The following KCNN3 variants were observed in gnomAD, a reference collection of about 807,000 sequenced individuals.
The protein encoded by KCNN3 is potassium calcium-activated channel subfamily N member 3.
A neutral mutation model predicts 62.9 loss-of-function variants in KCNN3; 16 were observed. The ratio of observed to expected loss-of-function variants is 0.25; its 90% CI spans 0.17 to 0.39. KCNN3 has a LOEUF of 0.39. Ranked by LOEUF, KCNN3 falls within the 10% of genes least tolerant of loss-of-function variation. The probability of loss-of-function intolerance (pLI) is 1.00; values close to 1 mark genes in which losing one functional copy is unlikely to be tolerated. For synonymous variants in KCNN3, 370 were observed against 389.2 expected (o/e 0.95, Z 0.58); for missense variants, 599 against 949.4 (o/e 0.63, Z 4.85).
rs879060942 is a variant in KCNN3, at chr1:154,771,774, C to A, written c.1448+201G>T. ...AGGAAAATTCTGTGCCTTTTTCCCA[C>A]CTTACTTTGGTTCCAATGCTGCAAT... On this transcript the variant is annotated intron_variant, in intron 3 of 7. Coordinates refer to ENST00000271915, the MANE Select transcript of KCNN3 (RefSeq NM_002249.6). The A allele has an allele frequency of 1.8e-4, 114 of 650,212 alleles. 2 individuals carry two copies. The South Asian group carries it at 1.9e-3, about 11-fold the overall frequency. 40.3% of individuals were successfully genotyped at this position (650,212 alleles called of 1,614,324 possible).
chr1:154,870,213 ACTCT>A lies in KCNN3; in HGVS notation c.-253_-250del, dbSNP rs1396548596. 1.5e-6 allele frequency: 1 copy of A among 673,710 alleles called. No individual in the cohort carries two copies. The highest frequency in any genetic ancestry group is 1.8e-5 in the African/African-American group (1 of 56,336). The allele number at this position is 673,710 out of a possible 1,614,324, so 41.7% of individuals were successfully genotyped here. A position where few individuals can be genotyped will look rare whatever the true frequency, so the allele number is the denominator to read the frequency against. Reference sequence around the variant, plus strand: ...TGGAGAAAGAAGAGGGGGTGAAAGAACTCTCTCAGGAGGTGGTCCTCTAGGAGCG... The same window carrying A: ...TGGAGAAAGAAGAGGGGGTGAAAGAACTCAGGAGGTGGTCCTCTAGGAGCG... On this transcript the variant is annotated 5_prime_UTR_variant, in exon 1 of 8. Transcript: ENST00000271915.
intron 2 of KCNN3, among the ~76,000 whole-genome samples, chr1:154,818,591 T>C (rs1042613584): frequency 2.0e-5 from 3 of 152,200 alleles, no homozygotes; most frequent in African/African-American, 7.2e-5. Context: ...AGAGGCCCCA[T>C]GCAGTGTTCA....
At chr1:154,814,451 C>A (rs1233698826) in intron 2 of KCNN3, among the ~76,000 whole-genome samples, 3 of 151,780 alleles carry the variant, frequency 2.0e-5, no homozygotes, top group Non-Finnish European at 4.4e-5. Flanking sequence ...CACGCAGGGA[C>A]AAGTAAGAGC....
At chr1:154,839,763 CTGG>C (rs1244516488) in intron 1 of KCNN3, among the ~76,000 whole-genome samples, 1 of 346 alleles carries the variant, frequency 2.9e-3, no homozygotes, top group Admixed American at 0.17. Flanking sequence ...TCTGGGGGCC[CTGG>C]CCACTGGCCA....
chr1:154,854,625 A>G (rs1012539802), intron 1 of KCNN3, among the ~76,000 whole-genome samples: 2 of 152,166 alleles, frequency 1.3e-5, no homozygotes, highest in Admixed American at 1.3e-4. Flanking sequence ...GGTTTTTTCT[A>G]CTACAGTCAT....
intron 2 of KCNN3, among the ~76,000 whole-genome samples, chr1:154,785,727 C>T (rs1244170326): frequency 6.6e-6 from 1 of 151,590 alleles, no homozygotes; most frequent in Non-Finnish European, 1.5e-5. Context: ...GGATTAGTAC[C>T]CAGCTACCAC....
rs190611462 is a variant in KCNN3, at chr1:154,791,978, C to T, written c.1030-19585G>A. On this transcript the variant is annotated intron_variant, in intron 2 of 7. Coordinates refer to ENST00000271915, the MANE Select transcript of KCNN3 (RefSeq NM_002249.6). ...TTCTGCTTCCACTGGCCAGGAAGAT[C>T]GCAAAGGAAACCATGTAATTGCAAG... Among the ~76,000 whole-genome samples, 422 of 152,250 alleles carry T rather than the reference C, an allele frequency of 2.8e-3. 5 individuals are homozygous for T. Among genetic ancestry groups the T allele is most frequent in the Admixed American group, 5.2e-3 (79 of 15,294 alleles).
intron 3 of KCNN3, among the ~76,000 whole-genome samples, chr1:154,765,998 C>T (rs1648252805): frequency 6.6e-6 from 1 of 151,984 alleles, no homozygotes. Context: ...AAACATTTTT[C>T]AGGAATCTTC....
chr1:154,698,791 AC>A lies in KCNN3; in HGVS notation c.*9184del, dbSNP rs1699792420. 6.6e-6 allele frequency: 1 copy of A among 152,158 alleles called. No individual in the cohort carries two copies. Among genetic ancestry groups the A allele is most frequent in the African/African-American group, 2.4e-5 (1 of 41,432 alleles). 9.4% of individuals were successfully genotyped at this position (152,158 alleles called of 1,614,324 possible). On this transcript the variant is annotated 3_prime_UTR_variant, in exon 8 of 8. Transcript: ENST00000271915. ...AGGGAGAGAGACTTCCCACTAGTCC[AC>A]CTTCTGTGTGTGTTACCAAAAGGAA...
chr1:154,848,296 A>C (rs1652162138), intron 1 of KCNN3, among the ~76,000 whole-genome samples: 1 of 152,134 alleles, frequency 6.6e-6, no homozygotes, highest in Non-Finnish European at 1.5e-5. Context: ...AGGATGGAGA[A>C]AGGTGAAGCC....
chr1:154,851,387 C>G (rs1034311422), intron 1 of KCNN3, among the ~76,000 whole-genome samples: 1 of 152,178 alleles, frequency 6.6e-6, no homozygotes, highest in South Asian at 2.1e-4. Flanking sequence ...GCCTCAAGCA[C>G]CATCCTGTGA....
At chr1:154,841,939 C>A (rs943922232) in intron 1 of KCNN3, among the ~76,000 whole-genome samples, 1 of 152,200 alleles carries the variant, frequency 6.6e-6, no homozygotes, top group Non-Finnish European at 1.5e-5. Flanking sequence ...AAGAGGATGG[C>A]CAGGTGTGAA....
At chr1:154,785,217 C>T (rs1649226214) in intron 2 of KCNN3, among the ~76,000 whole-genome samples, 1 of 152,184 alleles carries the variant, frequency 6.6e-6, no homozygotes, top group Non-Finnish European at 1.5e-5. Flanking sequence ...ATCACTGGGG[C>T]TGCTGGGCCC....
intron 3 of KCNN3, among the ~76,000 whole-genome samples, chr1:154,737,816 G>A (rs751204317): frequency 2.6e-5 from 4 of 152,188 alleles, no homozygotes; most frequent in African/African-American, 7.2e-5. Flanking sequence ...CCAGCTGCTC[G>A]GAGGCTGAGG....
At chr1:154,718,123 C>G (rs1312524721) in intron 5 of KCNN3, among the ~76,000 whole-genome samples, 1 of 152,158 alleles carries the variant, frequency 6.6e-6, no homozygotes, top group Non-Finnish European at 1.5e-5. Flanking sequence ...ATGAAAGCAG[C>G]AAGCCAGAAA....
rs1208485399 is a variant in KCNN3, at chr1:154,785,738, G to A, written c.1030-13345C>T. Among the ~76,000 whole-genome samples, 3 of 151,534 alleles carry A rather than the reference G, an allele frequency of 2.0e-5. No homozygotes were observed. In the South Asian group the frequency reaches 6.3e-4, roughly 32 times the overall value. ...GCTGGGATTAGTACCCAGCTACCAC[G>A]AGTAGCTGTGCACCACCACACCCGG... On this transcript the variant is annotated intron_variant, in intron 2 of 7. Transcript: ENST00000271915.
chr1:154,737,246 A>G (rs77404984), intron 3 of KCNN3, among the ~76,000 whole-genome samples: 4 of 151,630 alleles, frequency 2.6e-5, no homozygotes, highest in African/African-American at 7.3e-5. Flanking sequence ...TTAAAGGCTG[A>G]GGAGGAAAAG....
intron 7 of KCNN3, among the ~76,000 whole-genome samples, chr1:154,711,929 G>A (rs1700085305): frequency 6.6e-6 from 1 of 151,358 alleles, no homozygotes; most frequent in Non-Finnish European, 1.5e-5. Context: ...AGAGAGACAG[G>A]GAAAGGGAGA....
At chr1:154,784,019 T>A (rs1294752580) in intron 2 of KCNN3, among the ~76,000 whole-genome samples, 1 of 152,048 alleles carries the variant, frequency 6.6e-6, no homozygotes, top group Non-Finnish European at 1.5e-5. Context: ...GAGTTTGGCA[T>A]CAGATGAGCT....
Sources: gnomAD v4.1 joint callset for allele counts (sites outside exome capture counted in the v4.1 genomes callset) on GRCh38, gnomAD v4.1.1 for gene constraint, MANE v1.5 for transcripts, NCBI Gene and HGNC (gene_info 2026-07-23, HGNC 2026-07-21) for gene names.